SYNE2: variants seen among roughly 807,000 people sequenced by gnomAD.
SYNE2 encodes nesprin-2.
SYNE2 carries 431 observed loss-of-function variants against 856.3 expected under a neutral mutation model. The ratio of observed to expected loss-of-function variants is 0.50; its 90% CI spans 0.47 to 0.55. The LOEUF is 0.55. Among genes scored for constraint, SYNE2 ranks in the 20% least tolerant of loss-of-function variants. The pLI is 0.00. For missense variants in SYNE2, 8,129 were observed against 8,023.2 expected, an observed-to-expected ratio of 1.01 and a Z score of -0.50; for synonymous variants, 2,923 against 2,872.3, an observed-to-expected ratio of 1.02 and a Z score of -0.56.
intron 1 of SYNE2, among the ~76,000 whole-genome samples, chr14:63,787,336 C>T (rs190735144): frequency 2.6e-5 from 4 of 152,248 alleles, no homozygotes; most frequent in Non-Finnish European, 4.4e-5. Context: ...ATCTTCTTCC[C>T]CACCTCCCCA....
chr14:64,002,198 C>CA (rs1228326365), intron 29 of SYNE2, 117 bp downstream of exon 29: 290 of 926,104 alleles, frequency 3.1e-4, no homozygotes, highest in Non-Finnish European at 3.5e-4. Context: ...TAAGCCATGA[C>CA]AGTTTTTTTT....
intron 1 of SYNE2, among the ~76,000 whole-genome samples, chr14:63,842,811 T>C (rs978248218): frequency 6.6e-6 from 1 of 152,152 alleles, no homozygotes; most frequent in Non-Finnish European, 1.5e-5. Context: ...TATATTTGCC[T>C]TATCCAAGAA....
chr14:63,986,960 A>G (rs1332854528), intron 19 of SYNE2, among the ~76,000 whole-genome samples: 2 of 152,158 alleles, frequency 1.3e-5, no homozygotes, highest in African/African-American at 4.8e-5. Context: ...CACGTAAGAG[A>G]TAATATAATC....
chr14:63,939,971 A>G (rs4902257), intron 2 of SYNE2, among the ~76,000 whole-genome samples: 73,137 of 151,418 alleles, frequency 0.48, 18,624 homozygotes, highest in South Asian at 0.58. Context: ...CATCTTTACT[A>G]AACGGTTTGG....
intron 1 of SYNE2, among the ~76,000 whole-genome samples, chr14:63,842,612 C>A (rs1278999590): frequency 6.6e-6 from 1 of 151,506 alleles, no homozygotes; most frequent in Non-Finnish European, 1.5e-5. Flanking sequence ...AGGCACTTGA[C>A]CACACCCAGC....
At chr14:64,102,577 T>C (rs1361173439) in intron 64 of SYNE2, among the ~76,000 whole-genome samples, 1 of 150,944 alleles carries the variant, frequency 6.6e-6, no homozygotes. Flanking sequence ...TTTTGAAATG[T>C]GTATACGTTG....
At chr14:63,901,182 C>G (rs1297548270) in intron 1 of SYNE2, among the ~76,000 whole-genome samples, 2 of 152,160 alleles carry the variant, frequency 1.3e-5, no homozygotes, top group South Asian at 2.1e-4. Context: ...AGCTGTTGAG[C>G]TACCAAAAAG....
intron 100 of SYNE2, among the ~76,000 whole-genome samples, chr14:64,203,344 C>T (rs758748200): frequency 2.5e-4 from 38 of 152,108 alleles, no homozygotes; most frequent in Non-Finnish European, 4.4e-4. Context: ...GGATTATATT[C>T]TGTGTGTCTG....
At chr14:64,038,130 C>G (rs1230025501) in intron 45 of SYNE2, among the ~76,000 whole-genome samples, 2 of 151,818 alleles carry the variant, frequency 1.3e-5, no homozygotes, top group Admixed American at 1.3e-4. Context: ...GACGGGGTCC[C>G]GGCCGGGCAG....
intron 96 of SYNE2, among the ~76,000 whole-genome samples, chr14:64,183,697 C>T (rs931710401): frequency 5.9e-5 from 9 of 152,156 alleles, no homozygotes; most frequent in African/African-American, 1.2e-4. Flanking sequence ...GCAGATCACT[C>T]GTGGTTAGGA....
chr14:63,815,161 TATATATCCAC>T lies in SYNE2; in HGVS notation c.-304-37333_-304-37324del, dbSNP rs1251820792. 1.3e-3 allele frequency among the ~76,000 whole-genome samples: 131 copies of T among 99,240 alleles called. 7 individuals carry two copies. The highest frequency in any genetic ancestry group is 3.7e-3 in the East Asian group (14 of 3,790). 65.1% of individuals were successfully genotyped at this position (99,240 alleles called of 152,430 possible). ...CCATATATATACACATATATATCCA[TATATATCCAC>T]ATATATATCCATATATATATCCATA... On this transcript the variant is annotated intron_variant, in intron 1 of 23. Transcript: ENST00000674003.
intron 8 of SYNE2, among the ~76,000 whole-genome samples, chr14:63,955,648 A>G (rs2096232585): frequency 6.6e-6 from 1 of 152,194 alleles, no homozygotes; most frequent in Non-Finnish European, 1.5e-5. Context: ...TGGGGTGTGT[A>G]TACAAATGTT....
chr14:64,059,236 G>A (rs750349834), intron 49 of SYNE2, among the ~76,000 whole-genome samples: 4 of 152,140 alleles, frequency 2.6e-5, no homozygotes, highest in Non-Finnish European at 4.4e-5. Flanking sequence ...GTTTGTCAGT[G>A]TCTGGGCATT....
intron 45 of SYNE2, chr14:64,034,579 C>A: frequency 1.8e-6 from 1 of 547,382 alleles, no homozygotes; most frequent in East Asian, 2.9e-5. Context: ...AATTTCATTT[C>A]AGATGAAATG....
intron 2 of SYNE2, among the ~76,000 whole-genome samples, chr14:63,934,332 A>G (rs1400473079): frequency 6.6e-6 from 1 of 151,970 alleles, no homozygotes; most frequent in African/African-American, 2.4e-5. Flanking sequence ...GGTAACTTCT[A>G]CTTTTCCTTA....
intron 1 of SYNE2, among the ~76,000 whole-genome samples, chr14:63,866,364 T>G (rs948055306): frequency 6.6e-6 from 1 of 152,196 alleles, no homozygotes; most frequent in Non-Finnish European, 1.5e-5. Context: ...TTGCATCTGT[T>G]TTAAAACACT....
intron 6 of SYNE2, among the ~76,000 whole-genome samples, chr14:63,949,280 GTATAA>G (rs1566886292): frequency 6.6e-6 from 1 of 151,948 alleles, no homozygotes; most frequent in Admixed American, 6.6e-5. Context: ...TACTTTGCCT[GTATAA>G]TATAATAAAA....
intron 2 of SYNE2, among the ~76,000 whole-genome samples, chr14:63,912,702 AC>A (rs1179586457): frequency 6.6e-6 from 1 of 152,202 alleles, no homozygotes; most frequent in Non-Finnish European, 1.5e-5. Context: ...AGAATAACAC[AC>A]GCAAGAAAAG....
intron 95 of SYNE2, among the ~76,000 whole-genome samples, chr14:64,175,699 A>G (rs1232409008): frequency 1.3e-5 from 2 of 152,006 alleles, no homozygotes; most frequent in Admixed American, 6.6e-5. Context: ...TCTCCTCTTA[A>G]TGTCAAACTG....
Sources: gnomAD v4.1 joint callset for allele counts (sites outside exome capture counted in the v4.1 genomes callset) on GRCh38, gnomAD v4.1.1 for gene constraint, MANE v1.5 for transcripts, NCBI Gene and HGNC (gene_info 2026-07-23, HGNC 2026-07-21) for gene names.